Variants in ARHGAP25 observed in about 807,000 individuals in gnomAD.
ARHGAP25 encodes Rho GTPase activating protein 25.
In ARHGAP25, 34 loss-of-function variants were observed where a neutral mutation model predicts 71.0. The observed-to-expected ratio is 0.48, with a 90% CI of 0.36 to 0.64. ARHGAP25 has a LOEUF of 0.64. Among genes scored for constraint, ARHGAP25 ranks in the 30% least tolerant of loss-of-function variants. The probability of loss-of-function intolerance (pLI) is 0.00; values close to 1 mark genes in which losing one functional copy is unlikely to be tolerated. For missense variants in ARHGAP25, 706 were observed against 805.1 expected (o/e 0.88, Z 1.49); for synonymous variants, 282 against 296.5 (o/e 0.95, Z 0.50).
At chr2:68,804,579 C>T (rs1680230283) in intron 4 of ARHGAP25, among the ~76,000 whole-genome samples, 1 of 152,050 alleles carries the variant, frequency 6.6e-6, no homozygotes, top group Non-Finnish European at 1.5e-5. Flanking sequence ...GCAGACAGTC[C>T]ATCTGTTATG....
intron 1 of ARHGAP25, among the ~76,000 whole-genome samples, chr2:68,748,396 A>AT (rs1242094664): frequency 6.6e-6 from 1 of 151,868 alleles, no homozygotes; most frequent in Non-Finnish European, 1.5e-5. Flanking sequence ...ATTATCTTAC[A>AT]TTTTTTCTTT....
intron 1 of ARHGAP25, chr2:68,774,930 T>C: frequency 7.1e-7 from 1 of 1,403,674 alleles, no homozygotes; most frequent in South Asian, 1.5e-5. Context: ...AGCCAACCTT[T>C]CGGTTTGCAG....
At chr2:68,749,155 G>T (rs1432188273) in intron 1 of ARHGAP25, among the ~76,000 whole-genome samples, 1 of 152,088 alleles carries the variant, frequency 6.6e-6, no homozygotes, top group Non-Finnish European at 1.5e-5. Context: ...GATGGATGTG[G>T]GTGGAAGAGA....
chr2:68,782,471 T>C, intron 3 of ARHGAP25, 151 bp downstream of exon 3: 1 of 650,746 alleles, frequency 1.5e-6, no homozygotes. Flanking sequence ...TTTATACAGT[T>C]AATGAAGCTA....
chr2:68,734,790 C>T (rs1371682400), upstream of ARHGAP25: 1 of 209,762 alleles, frequency 4.8e-6, no homozygotes, highest in Non-Finnish European at 9.6e-6. Context: ...CACACACACA[C>T]ACACAAAACC....
intron 4 of ARHGAP25, among the ~76,000 whole-genome samples, chr2:68,796,985 AG>A (rs1333884191): frequency 6.6e-6 from 1 of 152,184 alleles, no homozygotes; most frequent in African/African-American, 2.4e-5. Context: ...CCAGGCTAGT[AG>A]ATGGTGCTTG....
At chr2:68,798,436 C>A (rs1030237195) in intron 4 of ARHGAP25, among the ~76,000 whole-genome samples, 1 of 151,700 alleles carries the variant, frequency 6.6e-6, no homozygotes, top group Admixed American at 6.6e-5. Flanking sequence ...GTCAACAACT[C>A]TTTCTTTAAT....
chr2:68,716,061 C>T (rs7596406), intron 2 of ARHGAP25, among the ~76,000 whole-genome samples: 35,751 of 152,116 alleles, frequency 0.24, 4,461 homozygotes, highest in East Asian at 0.37. Flanking sequence ...CTGTTGTTCC[C>T]TCTGCTAATG....
chr2:68,809,973 G>GAGAAATGCACT (rs1464151295), intron 5 of ARHGAP25, among the ~76,000 whole-genome samples: 1 of 152,074 alleles, frequency 6.6e-6, no homozygotes, highest in Non-Finnish European at 1.5e-5. Flanking sequence ...ACCCCTATGT[G>GAGAAATGCACT]TCTGTGAGAA....
chr2:68,798,296 C>T (rs766783608), intron 4 of ARHGAP25, among the ~76,000 whole-genome samples: 4 of 152,130 alleles, frequency 2.6e-5, no homozygotes, highest in Non-Finnish European at 5.9e-5. Context: ...ATTGTTATTC[C>T]ATGTGTTCTG....
chr2:68,760,918 C>T (rs1309684422), intron 1 of ARHGAP25, among the ~76,000 whole-genome samples: 1 of 150,380 alleles, frequency 6.6e-6, no homozygotes, highest in Non-Finnish European at 1.5e-5. Flanking sequence ...ACTCACATTT[C>T]CTATTTGAAT....
chr2:68,745,427 A>G (rs1309925727), intron 1 of ARHGAP25, among the ~76,000 whole-genome samples: 1 of 152,148 alleles, frequency 6.6e-6, no homozygotes, highest in Non-Finnish European at 1.5e-5. Context: ...TTTCACTATC[A>G]GTCACCCCAT....
intron 4 of ARHGAP25, among the ~76,000 whole-genome samples, chr2:68,802,844 G>T (rs186476535): frequency 1.3e-5 from 2 of 151,856 alleles, no homozygotes; most frequent in African/African-American, 2.4e-5. Context: ...TTGCATGAGA[G>T]CTGAGGTGGG....
At chr2:68,799,109 G>A (rs778429191) in intron 4 of ARHGAP25, among the ~76,000 whole-genome samples, 3 of 152,186 alleles carry the variant, frequency 2.0e-5, no homozygotes, top group African/African-American at 4.8e-5. Context: ...CAGTGGAGAT[G>A]CAGAAAAGCA....
intron 6 of ARHGAP25, among the ~76,000 whole-genome samples, chr2:68,815,696 C>A (rs1008782227): frequency 1.3e-5 from 2 of 152,050 alleles, no homozygotes; most frequent in Non-Finnish European, 2.9e-5. Context: ...GAAAAGAACA[C>A]GGAAAAGCTC....
At chr2:68,734,031 G>C (rs1675096625), upstream of ARHGAP25, among the ~76,000 whole-genome samples, 1 of 152,216 alleles carries the variant, frequency 6.6e-6, no homozygotes, top group Non-Finnish European at 1.5e-5. Flanking sequence ...AAATGCTTAA[G>C]CACTAGGTTA....
Position 68,767,313 on chromosome 2 carries a change from G to A in ARHGAP25, c.62-7908G>A, listed in dbSNP as rs1033598618. The stretch of plus-strand genomic sequence containing the variant: ...GAAAAGGGATACAGAAAGCGAGCCT[G>A]AAGTTTCTGAAGTCACATGTCCTAA... On this transcript the variant is annotated intron_variant, in intron 1 of 10. Coordinates refer to ENST00000409202, the MANE Select transcript of ARHGAP25 (RefSeq NM_001007231.3). The surrounding 1 kb of genome is among the most constrained non-coding windows in gnomAD (Gnocchi z 4.6). Among the ~76,000 whole-genome samples the A allele has an allele frequency of 6.6e-6, 1 of 152,056 alleles. No homozygotes were observed. Among genetic ancestry groups the A allele is most frequent in the East Asian group, 1.9e-4 (1 of 5,200 alleles).
chr2:68,729,503 CG>C (rs1558601159), intron 2 of ARHGAP25, among the ~76,000 whole-genome samples: 2 of 152,132 alleles, frequency 1.3e-5, no homozygotes, highest in East Asian at 3.8e-4. Context: ...TCAGACACAT[CG>C]ACACCTAGAC....
At chr2:68,775,028 G>A (rs1677771268) in intron 1 of ARHGAP25, 193 bp from the exon 2 acceptor site, 11 of 1,500,266 alleles carry the variant, frequency 7.3e-6, no homozygotes, top group Middle Eastern at 2.5e-4. Flanking sequence ...GGCCCTGACC[G>A]GGAGCTGGCC....
Sources: allele counts gnomAD v4.1 joint callset (sites outside exome capture counted in the v4.1 genomes callset), GRCh38; gene constraint gnomAD v4.1.1; non-coding constraint Gnocchi (gnomAD v3.1); transcripts MANE v1.5; gene names NCBI Gene and HGNC (gene_info 2026-07-23, HGNC 2026-07-21).